Variants in KCNQ1OT1 observed in about 807,000 individuals in gnomAD.
KCNQ1OT1 encodes the protein KCNQ1 antisense RNA 2 (non-protein coding).
Position 2,625,541 on chromosome 11 carries a change from A to G in KCNQ1OT1, n.74454T>C, listed in dbSNP as rs950083149. On this transcript the variant is annotated non_coding_transcript_exon_variant, in exon 1 of 1. Coordinates refer to ENST00000597346, the Ensembl canonical transcript of KCNQ1OT1. ...TTCACGTACTATTATCCATTTGTAT[A>G]TCTTCTTTGGAGATACGTCTGTCCA... 9 of 394,428 alleles carry G rather than the reference A, an allele frequency of 2.3e-5. 1 individual carries two copies. The highest frequency in any genetic ancestry group is 2.6e-4 in the South Asian group (2 of 7,722). The allele number at this position is 394,428 out of a possible 1,614,324, so 24.4% of individuals were successfully genotyped here. A position where few individuals can be genotyped will look rare whatever the true frequency, so the allele number is the denominator to read the frequency against.
exon 1 of KCNQ1OT1, chr11:2,662,190 G>A (rs1849971737): frequency 4.1e-6 from 6 of 1,467,888 alleles, no homozygotes; most frequent in Middle Eastern, 2.3e-4. Context: ...CTATCTACTC[G>A]CCTAGTGCCC....
chr11:2,618,420 C>T (rs1849105388), exon 1 of KCNQ1OT1: 1 of 398,532 alleles, frequency 2.5e-6, no homozygotes, highest in Non-Finnish European at 4.4e-6. Context: ...TTGGACAAGC[C>T]ACAGAACTGG....
rs557484787 is a variant in KCNQ1OT1 at position 2,663,450 on chromosome 11, A to T, written n.36545T>A. 1.5e-5 allele frequency: 6 copies of T among 398,738 alleles called. No homozygotes were observed. Among genetic ancestry groups the T allele is most frequent in the African/African-American group, 4.1e-5 (2 of 48,740 alleles). The allele number at this position is 398,738 out of a possible 1,614,324, so 24.7% of individuals were successfully genotyped here. A position where few individuals can be genotyped will look rare whatever the true frequency, so the allele number is the denominator to read the frequency against. ...AGTCCTGGATATGATGGACCTCCAA[A>T]GTGATCAGTGTTAGTTTAGTGGCTC... On this transcript the variant is annotated non_coding_transcript_exon_variant, in exon 1 of 1. Coordinates refer to ENST00000597346, the Ensembl canonical transcript of KCNQ1OT1. This position sits in a 1 kb window ranked among gnomAD's most constrained non-coding sequence, Gnocchi z 5.2.
chr11:2,610,716 C>CTTTTTTTTTTTT (rs1167505141), exon 1 of KCNQ1OT1: 51 of 230,106 alleles, frequency 2.2e-4, no homozygotes, highest in East Asian at 1.3e-3. Context: ...TCTTGGTTGG[C>CTTTTTTTTTTTT]TTTTTTTTTT....
In KCNQ1OT1 at chr11:2,659,459, T is replaced by C. The variant is rs1213375703; in HGVS notation, n.40536A>G. 1 of 398,496 alleles carries C rather than the reference T, an allele frequency of 2.5e-6. No homozygotes were observed. The highest frequency in any genetic ancestry group is 4.4e-6 in the Non-Finnish European group (1 of 226,050). The allele number at this position is 398,496 out of a possible 1,614,324, so 24.7% of individuals were successfully genotyped here. On this transcript the variant is annotated non_coding_transcript_exon_variant, in exon 1 of 1. Transcript: ENST00000597346. The surrounding 1 kb of genome is among the most constrained non-coding windows in gnomAD (Gnocchi z 4.3). ...TAGTTAATTTCTTTTTATTGCTGGG[T>C]GGTATTCCATTGCATGAATATATAC...
chr11:2,632,767 G>T, exon 1 of KCNQ1OT1: 1 of 398,286 alleles, frequency 2.5e-6, no homozygotes, highest in South Asian at 1.3e-4. Context: ...GCTTTATTAT[G>T]ACTGAATAAT....
chr11:2,665,081 G>T (rs770530614), exon 1 of KCNQ1OT1: 7 of 398,498 alleles, frequency 1.8e-5, no homozygotes, highest in Non-Finnish European at 3.1e-5. Context: ...GAGGCACGGG[G>T]TACCCAGGAG....
At chr11:2,660,575 CAGGCA>C in exon 1 of KCNQ1OT1, 1 of 398,602 alleles carries the variant, frequency 2.5e-6, no homozygotes, top group Non-Finnish European at 4.4e-6. Flanking sequence ...AGGACATGAA[CAGGCA>C]ATTCTGCAAG....
exon 1 of KCNQ1OT1, chr11:2,633,019 T>C: frequency 2.5e-6 from 1 of 398,518 alleles, no homozygotes; most frequent in East Asian, 3.6e-5. Context: ...GACTCACTAA[T>C]TTATAGTCCC....
exon 1 of KCNQ1OT1, chr11:2,667,495 C>T (rs976838160): frequency 3.5e-5 from 14 of 398,190 alleles, no homozygotes; most frequent in African/African-American, 1.2e-4. Flanking sequence ...AGAACATTCA[C>T]GCCACAGAGG....
Position 2,653,568 on chromosome 11 carries a change from CTT to C in KCNQ1OT1, n.46425_46426del, listed in dbSNP as rs751039500. 7.5e-6 allele frequency: 3 copies of C among 398,720 alleles called. No homozygotes were observed. The highest frequency in any genetic ancestry group is 1.3e-5 in the Non-Finnish European group (3 of 226,172). The allele number at this position is 398,720 out of a possible 1,614,324, so 24.7% of individuals were successfully genotyped here. ...CTCCCCTTCTCCCTTCCCGTTCCCT[CTT>C]TTGTTCTCCCTTTCCCTTGCTCTCT... On this transcript the variant is annotated non_coding_transcript_exon_variant, in exon 1 of 1. Transcript: ENST00000597346. This position sits in a 1 kb window ranked among gnomAD's most constrained non-coding sequence, Gnocchi z 5.3.
chr11:2,628,377 CTGA>C (rs759784099), exon 1 of KCNQ1OT1: 44 of 398,336 alleles, frequency 1.1e-4, no homozygotes, highest in Non-Finnish European at 1.9e-4. Flanking sequence ...TTGCATTTCC[CTGA>C]TGATAAGTGA....
chr11:2,626,334 C>T lies in KCNQ1OT1; in HGVS notation n.73661G>A, dbSNP rs1177437805. 2.5e-6 allele frequency: 1 copy of T among 398,440 alleles called. No homozygotes were observed. Among genetic ancestry groups the T allele is most frequent in the East Asian group, 3.6e-5 (1 of 28,064 alleles). 24.7% of individuals were successfully genotyped at this position (398,440 alleles called of 1,614,324 possible). Reference sequence around the variant, plus strand: ...TTTGTGTATGGTATTAGGTAAGGGTCTCAACTTCAGTTATCCTGGCACCAT... The same window carrying T: ...TTTGTGTATGGTATTAGGTAAGGGTTTCAACTTCAGTTATCCTGGCACCAT... On this transcript the variant is annotated non_coding_transcript_exon_variant, in exon 1 of 1. Transcript: ENST00000597346. The surrounding 1 kb of genome is among the most constrained non-coding windows in gnomAD (Gnocchi z 4.0).
At chr11:2,665,570 T>C in exon 1 of KCNQ1OT1, 1 of 395,438 alleles carries the variant, frequency 2.5e-6, no homozygotes, top group Admixed American at 4.5e-5. Context: ...TTTCCATTCA[T>C]CTTTCCAACG....
At position 2,687,702 on chromosome 11, in the gene KCNQ1OT1, G is replaced by T; in HGVS notation, n.12293C>A. The T allele has an allele frequency of 2.5e-6, 1 of 398,784 alleles. No homozygotes were observed. Among genetic ancestry groups the T allele is most frequent in the Non-Finnish European group, 4.4e-6 (1 of 226,186 alleles). 24.7% of individuals were successfully genotyped at this position (398,784 alleles called of 1,614,324 possible). On this transcript the variant is annotated non_coding_transcript_exon_variant, in exon 1 of 1. Transcript: ENST00000597346. This position sits in a 1 kb window ranked among gnomAD's most constrained non-coding sequence, Gnocchi z 5.0. ...AGCTCAGGGTTCAGTGTTGGAATGG[G>T]TCTGGGCCCAGATTTCAAGCCAGTA...
rs950460018 is a variant in KCNQ1OT1, at chr11:2,690,151, C to T, written n.9844G>A. The stretch of plus-strand genomic sequence containing the variant: ...GGGACAAAAAGCGGGCAGCCCTCCC[C>T]AGCATGACAGGATGTGGAAGGCTGG... On this transcript the variant is annotated non_coding_transcript_exon_variant, in exon 1 of 1. Coordinates refer to ENST00000597346, the Ensembl canonical transcript of KCNQ1OT1. The surrounding 1 kb of genome is among the most constrained non-coding windows in gnomAD (Gnocchi z 5.1). 2.8e-5 allele frequency: 11 copies of T among 398,770 alleles called. No homozygotes were observed. The highest frequency in any genetic ancestry group is 4.4e-5 in the Non-Finnish European group (10 of 226,286). The allele number at this position is 398,770 out of a possible 1,614,324, so 24.7% of individuals were successfully genotyped here.
In KCNQ1OT1 at chr11:2,674,614, C is replaced by T. The variant is rs929995876; in HGVS notation, n.25381G>A. On this transcript the variant is annotated non_coding_transcript_exon_variant, in exon 1 of 1. Coordinates refer to ENST00000597346, the Ensembl canonical transcript of KCNQ1OT1. The surrounding 1 kb of genome is among the most constrained non-coding windows in gnomAD (Gnocchi z 5.9). ...CTTTTAAATAGGCTCTGGCTTAAAA[C>T]AGTCACAGCGAAACATGCCTTTGAA... 2.5e-6 allele frequency: 1 copy of T among 398,618 alleles called. No homozygotes were observed. The highest frequency in any genetic ancestry group is 3.6e-5 in the East Asian group (1 of 28,056). The allele number at this position is 398,618 out of a possible 1,614,324, so 24.7% of individuals were successfully genotyped here. A position where few individuals can be genotyped will look rare whatever the true frequency, so the allele number is the denominator to read the frequency against.
At chr11:2,618,668 G>T (rs531044813) in exon 1 of KCNQ1OT1, 7 of 398,300 alleles carry the variant, frequency 1.8e-5, no homozygotes, top group African/African-American at 1.2e-4. Flanking sequence ...TCAGAATTTC[G>T]TTGGCTACTT....
chr11:2,631,576 A>G (rs1017254440), exon 1 of KCNQ1OT1: 5 of 398,010 alleles, frequency 1.3e-5, no homozygotes, highest in African/African-American at 8.3e-5. Flanking sequence ...ATGTATCCCA[A>G]TTTCTTGGGA....
Sources: allele counts gnomAD v4.1 joint callset, GRCh38; gene constraint gnomAD v4.1.1; non-coding constraint Gnocchi (gnomAD v3.1); transcripts MANE v1.5; gene names NCBI Gene and HGNC (gene_info 2026-07-23, HGNC 2026-07-21).